The following DOCK5 variants were observed in gnomAD, a reference collection of about 807,000 sequenced individuals.
DOCK5 encodes dedicator of cytokinesis 5.
In DOCK5, 142 loss-of-function variants were observed where a neutral mutation model predicts 251.8. That is an observed-to-expected ratio of 0.56 (90% CI 0.49 to 0.65). The LOEUF is 0.65. DOCK5 is among the 30% of genes least tolerant of loss of function. The pLI is 0.00. For missense variants in DOCK5, 2,111 were observed against 2,312.3 expected (o/e 0.91, Z 1.79); for synonymous variants, 842 against 835.5 (o/e 1.01, Z -0.13).
rs768662919 is a variant in DOCK5, at chr8:25,368,703, G to A, written c.3416G>A (p.Ser1139Asn). ...ATGATGCAGTGTGAGTTCAATTTCA[G>A]TGGAAATGGCAATTTCCATATGGTA... ...FDMMQCEFNF[S>N]GNGNFHMFEN... The change falls in exon 33 of 52, where the codon AGT becomes AAT. Residue 1139 changes from serine (S) to asparagine (N), a missense_variant. Transcript: ENST00000276440. 1 of 1,613,158 alleles carries A rather than the reference G, an allele frequency of 6.2e-7. No homozygotes were observed. Among genetic ancestry groups the A allele is most frequent in the Non-Finnish European group, 8.5e-7 (1 of 1,179,634 alleles).
At chr8:25,391,477 A>G (rs1801259003) in intron 42 of DOCK5, among the ~76,000 whole-genome samples, 1 of 151,900 alleles carries the variant, frequency 6.6e-6, no homozygotes, top group Admixed American at 6.6e-5. Flanking sequence ...CTGTACTAAA[A>G]ATACAAAAAA....
In DOCK5 at chr8:25,411,332, A is replaced by T; in HGVS notation, c.*34A>T. The T allele has an allele frequency of 7.1e-7, 1 of 1,415,526 alleles. No homozygotes were observed. The highest frequency in any genetic ancestry group is 1.6e-5 in the South Asian group (1 of 63,622). The allele number at this position is 1,415,526 out of a possible 1,614,324, so 87.7% of individuals were successfully genotyped here. A position where few individuals can be genotyped will look rare whatever the true frequency, so the allele number is the denominator to read the frequency against. On this transcript the variant is annotated 3_prime_UTR_variant, in exon 52 of 52. Transcript: ENST00000276440. Reference sequence around the variant, plus strand: ...CCCTCCCTGCAACACCGAGTGCCTTAGACAGCTGCTGCCTGAGAACTGGCC... The same window carrying T: ...CCCTCCCTGCAACACCGAGTGCCTTTGACAGCTGCTGCCTGAGAACTGGCC...
intron 1 of DOCK5, among the ~76,000 whole-genome samples, chr8:25,233,764 T>A (rs1802728688): frequency 1.5e-5 from 2 of 136,078 alleles, no homozygotes; most frequent in Non-Finnish European, 1.5e-5. Flanking sequence ...TTTTAAAAAA[T>A]TTTGTTTTAT....
chr8:25,204,627 T>G (rs575831585), intron 1 of DOCK5, among the ~76,000 whole-genome samples: 1 of 152,338 alleles, frequency 6.6e-6, no homozygotes, highest in Non-Finnish European at 1.5e-5. Context: ...TACAAAGGTT[T>G]GGTGCAAAGA....
chr8:25,373,423 C>A (rs1800909714), intron 35 of DOCK5, among the ~76,000 whole-genome samples, 195 bp from the exon 36 acceptor site: 1 of 152,182 alleles, frequency 6.6e-6, no homozygotes. Flanking sequence ...TTCCCAAAGT[C>A]CATTATATCA....
At chr8:25,410,433 AC>A (rs1410141285) in intron 51 of DOCK5, among the ~76,000 whole-genome samples, 1 of 151,786 alleles carries the variant, frequency 6.6e-6, no homozygotes, top group Non-Finnish European at 1.5e-5. Context: ...CGTCCTGGGT[AC>A]CTGTGAAATA....
At chr8:25,359,676 C>G (rs931735276) in intron 28 of DOCK5, among the ~76,000 whole-genome samples, 6 of 152,226 alleles carry the variant, frequency 3.9e-5, no homozygotes, top group Non-Finnish European at 1.5e-5. Context: ...TTATGTGAAT[C>G]TCACTAATGC....
intron 38 of DOCK5, among the ~76,000 whole-genome samples, chr8:25,379,533 G>A (rs950840885): frequency 6.6e-6 from 1 of 152,048 alleles, no homozygotes; most frequent in Non-Finnish European, 1.5e-5. Flanking sequence ...TTTTCAAGGT[G>A]CACTGATTTC....
intron 11 of DOCK5, among the ~76,000 whole-genome samples, chr8:25,307,536 AC>A (rs1460193492): frequency 2.0e-5 from 3 of 152,214 alleles, no homozygotes; most frequent in Non-Finnish European, 4.4e-5. Flanking sequence ...ATATTATAGT[AC>A]TATGAATGTG....
intron 5 of DOCK5, 29 bp downstream of exon 5, chr8:25,278,694 C>T (rs1275387991): frequency 3.1e-6 from 5 of 1,605,424 alleles, no homozygotes; most frequent in African/African-American, 1.3e-5. Flanking sequence ...CTTGGAGCCC[C>T]AGGGTCACTC....
rs34206435 is a variant in DOCK5 at position 25,210,080 on chromosome 8, T to TTATCTATC, written c.43+25178_43+25185dup. On this transcript the variant is annotated intron_variant, in intron 1 of 51. Coordinates refer to ENST00000276440, the MANE Select transcript of DOCK5 (RefSeq NM_024940.8). ...TGTGTGTGTGTGTGTATCTGTCTAT[T>TTATCTATC]TATCTATCTATCTATCTATCTATCT... is the stretch of plus-strand genomic sequence containing the variant. 9.2e-3 allele frequency among the ~76,000 whole-genome samples: 241 copies of TTATCTATC among 26,328 alleles called. 70 individuals are homozygous for TTATCTATC. The highest frequency in any genetic ancestry group is 0.016 in the Non-Finnish European group (147 of 9,002). The allele number at this position is 26,328 out of a possible 152,430, so 17.3% of individuals were successfully genotyped here.
chr8:25,334,651 G>T (rs1056015401), intron 21 of DOCK5, among the ~76,000 whole-genome samples: 1 of 151,934 alleles, frequency 6.6e-6, no homozygotes, highest in African/African-American at 2.4e-5. Context: ...AGTCAAGGCT[G>T]CAGTGAGCTG....
intron 1 of DOCK5, among the ~76,000 whole-genome samples, chr8:25,217,191 T>G (rs1053534645): frequency 2.7e-5 from 4 of 149,726 alleles, no homozygotes; most frequent in South Asian, 2.1e-4. Context: ...GAGAGAGATA[T>G]ATATATATAT....
At chr8:25,220,793 G>C in intron 1 of DOCK5, among the ~76,000 whole-genome samples, 1 of 152,040 alleles carries the variant, frequency 6.6e-6, no homozygotes. Context: ...TTGTAGAGTT[G>C]GGGTTTCACC....
chr8:25,393,647 A>G (rs1455268547), intron 44 of DOCK5, among the ~76,000 whole-genome samples: 1 of 152,058 alleles, frequency 6.6e-6, no homozygotes, highest in African/African-American at 2.4e-5. Context: ...GCACCTAACT[A>G]ACTCCCATCA....
At chr8:25,230,597 C>A (rs896044588) in intron 1 of DOCK5, among the ~76,000 whole-genome samples, 1 of 151,962 alleles carries the variant, frequency 6.6e-6, no homozygotes, top group Admixed American at 6.6e-5. Context: ...ATGCCTGTAA[C>A]CCCAGCACTT....
chr8:25,194,855 C>T (rs563864971), intron 1 of DOCK5, among the ~76,000 whole-genome samples: 1 of 152,272 alleles, frequency 6.6e-6, no homozygotes, highest in East Asian at 1.9e-4. Context: ...CCTCAGATTA[C>T]TGCTGCTGAT....
rs1800838335 is a variant in DOCK5, at chr8:25,369,654, G to A, written c.3524+13G>A. 1.3e-6 allele frequency: 2 copies of A among 1,595,280 alleles called. No individual in the cohort carries two copies. The highest frequency in any genetic ancestry group is 1.7e-6 in the Non-Finnish European group (2 of 1,170,118). ...TTCTGGAAAAACTGTGAGTATTTCA[G>A]GAACGAAACCTGAAGTCAGTGGTGT... On this transcript the variant is annotated intron_variant, in intron 34 of 51. Coordinates refer to ENST00000276440, the MANE Select transcript of DOCK5 (RefSeq NM_024940.8).
Position 25,364,592 on chromosome 8 carries a change from G to A in DOCK5, c.3045-34G>A, listed in dbSNP as rs747187202. 7.9e-6 allele frequency: 12 copies of A among 1,510,484 alleles called. 1 individual carries two copies. In the Middle Eastern group the frequency reaches 1.6e-3, roughly 198 times the overall value. The allele number at this position is 1,510,484 out of a possible 1,614,324, so 93.6% of individuals were successfully genotyped here. ...GGGAAAAGGTTTCAAAGGACATACA[G>A]TTGGCTTCTTTATCTGGTGTTTTCC... On this transcript the variant is annotated intron_variant, in intron 29 of 51. Coordinates refer to ENST00000276440, the MANE Select transcript of DOCK5 (RefSeq NM_024940.8).
Sources: allele counts gnomAD v4.1 joint callset (sites outside exome capture counted in the v4.1 genomes callset), GRCh38; gene constraint gnomAD v4.1.1; transcripts MANE v1.5; gene names NCBI Gene and HGNC (gene_info 2026-07-23, HGNC 2026-07-21).